The following COL5A1 variants were observed in gnomAD, a reference collection of about 807,000 sequenced individuals.
COL5A1 encodes the protein collagen type V alpha 1 chain.
COL5A1 carries 16 observed loss-of-function variants against 263.7 expected under a neutral mutation model. That is an observed-to-expected ratio of 0.06 (90% confidence interval 0.04 to 0.09). COL5A1 has a LOEUF of 0.09. Ranked by LOEUF, COL5A1 falls within the 10% of genes least tolerant of loss-of-function variation. The probability of loss-of-function intolerance (pLI) is 1.00; values close to 1 mark genes in which losing one functional copy is unlikely to be tolerated. For missense variants in COL5A1, 2,036 were observed against 2,540.5 expected, an observed-to-expected ratio of 0.80 and a Z score of 4.27; for synonymous variants, 1,012 against 1,004.5, an observed-to-expected ratio of 1.01 and a Z score of -0.14.
intron 1 of COL5A1, among the ~76,000 whole-genome samples, chr9:134,671,675 G>A (rs1832542691): frequency 6.6e-6 from 1 of 152,220 alleles, no homozygotes; most frequent in African/African-American, 2.4e-5. Flanking sequence ...TGCGTGAAGG[G>A]TTGAGTGGAC....
At chr9:134,729,198 G>T (rs1474481491) in intron 6 of COL5A1, among the ~76,000 whole-genome samples, 2 of 152,216 alleles carry the variant, frequency 1.3e-5, no homozygotes, top group African/African-American at 2.4e-5. Context: ...CCCCCGGGGG[G>T]TGACGCAGTC....
intron 6 of COL5A1, among the ~76,000 whole-genome samples, chr9:134,729,905 A>G (rs1435723451): frequency 6.6e-6 from 1 of 152,180 alleles, no homozygotes; most frequent in African/African-American, 2.4e-5. Flanking sequence ...CATTGCTCTG[A>G]GAGCCTGGAG....
chr9:134,642,200 AC>A lies in COL5A1; in HGVS notation c.16del (p.Arg6AlafsTer38). On this transcript the variant is annotated frameshift_variant, in exon 1 of 66. Transcript: ENST00000371817. LOFTEE classifies it high-confidence loss of function. The surrounding 1 kb of genome is among the most constrained non-coding windows in gnomAD (Gnocchi z 4.5). ...GCGCCCCGCCGGCATGGACGTCCAT[AC>A]CCGCTGGAAAGCGCGCAGCGCGCTC... MDVH[T>X]RWKARSALRP... 1 of 1,301,790 alleles carries A rather than the reference AC, an allele frequency of 7.7e-7. No individual in the cohort carries two copies. Among genetic ancestry groups the A allele is most frequent in the Non-Finnish European group, 9.8e-7 (1 of 1,023,944 alleles). The allele number at this position is 1,301,790 out of a possible 1,614,324, so 80.6% of individuals were successfully genotyped here.
chr9:134,698,982 G>A (rs554283932), intron 2 of COL5A1, among the ~76,000 whole-genome samples: 55 of 152,356 alleles, frequency 3.6e-4, no homozygotes, highest in Non-Finnish European at 6.8e-4. Context: ...CTTCTGGCCC[G>A]TTCTGAGCAG....
intron 9 of COL5A1, among the ~76,000 whole-genome samples, chr9:134,733,656 C>T (rs967184573): frequency 3.9e-5 from 6 of 152,212 alleles, no homozygotes; most frequent in African/African-American, 1.4e-4. Flanking sequence ...GCTCAGGGAC[C>T]AGAGCAGCTG....
In COL5A1 at chr9:134,758,662, G is replaced by A. The variant is rs1836080837; in HGVS notation, c.1935+366G>A. Among the ~76,000 whole-genome samples the A allele has an allele frequency of 6.6e-6, 1 of 152,162 alleles. No homozygotes were observed. The highest frequency in any genetic ancestry group is 2.1e-4 in the South Asian group (1 of 4,822). ...CCAAGCAGCTGCCATTTCAGGGGCGGCCAAGGACACTTTGCAATATTAAAG... is the reference window on the plus strand; with the variant it reads ...CCAAGCAGCTGCCATTTCAGGGGCGACCAAGGACACTTTGCAATATTAAAG... On this transcript the variant is annotated intron_variant, in intron 18 of 65. Transcript: ENST00000371817. This position sits in a 1 kb window ranked among gnomAD's most constrained non-coding sequence, Gnocchi z 4.1.
At chr9:134,751,293 C>T in intron 13 of COL5A1, among the ~76,000 whole-genome samples, 1 of 152,172 alleles carries the variant, frequency 6.6e-6, no homozygotes, top group East Asian at 1.9e-4. Context: ...GTTCTTTGTC[C>T]ATGCTGAGGG....
chr9:134,762,207 T>C (rs909151222), intron 19 of COL5A1, among the ~76,000 whole-genome samples: 11 of 152,190 alleles, frequency 7.2e-5, no homozygotes, highest in Admixed American at 3.9e-4. Context: ...ACTCCATCGG[T>C]CCTGCTGATG....
intron 11 of COL5A1, among the ~76,000 whole-genome samples, chr9:134,749,914 C>G (rs1336847114): frequency 6.6e-6 from 1 of 152,206 alleles, no homozygotes; most frequent in Non-Finnish European, 1.5e-5. Context: ...GAATCCAGTC[C>G]TAGGTATGTC....
chr9:134,717,654 A>G (rs1178996403), intron 4 of COL5A1, among the ~76,000 whole-genome samples: 4 of 152,222 alleles, frequency 2.6e-5, no homozygotes, highest in Non-Finnish European at 5.9e-5. Flanking sequence ...AGGGCCTGGC[A>G]GTGGCAGAAC....
At chr9:134,662,811 C>T (rs1832249850) in intron 1 of COL5A1, among the ~76,000 whole-genome samples, 2 of 152,208 alleles carry the variant, frequency 1.3e-5, no homozygotes, top group South Asian at 4.1e-4. Flanking sequence ...TGCTCTGAAT[C>T]TGTTGTTAAT....
At chr9:134,690,009 G>A (rs12555085) in intron 1 of COL5A1, among the ~76,000 whole-genome samples, 1 of 151,964 alleles carries the variant, frequency 6.6e-6, no homozygotes, top group East Asian at 1.9e-4. Context: ...TGGGGTCCTC[G>A]TGGTGTGGGG....
rs200290973 is a variant in COL5A1 at position 134,700,078 on chromosome 9, G to T, written c.447G>T (p.Pro149=). The T allele has an allele frequency of 1.9e-6, 3 of 1,611,530 alleles. No homozygotes were observed. Among genetic ancestry groups the T allele is most frequent in the African/African-American group, 2.7e-5 (2 of 75,060 alleles). Residue 149 remains proline, a synonymous_variant, in exon 3 of 66, where the codon CCG becomes CCT. Transcript: ENST00000371817. The surrounding 1 kb of genome is among the most constrained non-coding windows in gnomAD (Gnocchi z 4.0). Reference sequence around the variant, plus strand: ...AGGACCACACGGGGAAGCCTGGCCCGGAAGACTACCCCCTCTTCCGGGGCA... The same window carrying T: ...AGGACCACACGGGGAAGCCTGGCCCTGAAGACTACCCCCTCTTCCGGGGCA... ...LYEDHTGKPG[P]EDYPLFRGIN...
chr9:134,842,355 T>G lies in COL5A1; in HGVS notation c.*52T>G, dbSNP rs1359587562. On this transcript the variant is annotated 3_prime_UTR_variant, in exon 66 of 66. Coordinates refer to ENST00000371817, the MANE Select transcript of COL5A1 (RefSeq NM_000093.5). This position sits in a 1 kb window ranked among gnomAD's most constrained non-coding sequence, Gnocchi z 5.8. ...GCAACCTCGTGACCTCAGCATGCCA[T>G]TCGTTCGTGAGTGTCCCGTGCACGT... 6.2e-7 allele frequency: 1 copy of G among 1,607,390 alleles called. No individual in the cohort carries two copies.
rs199703883 is a variant in COL5A1 at position 134,835,127 on chromosome 9, C to T, written c.5293C>T (p.Arg1765Cys). Residue 1765 changes from arginine (R) to cysteine (C), a missense_variant, in exon 65 of 66, where the codon CGC becomes TGC. Transcript: ENST00000371817. ...CACGGGCAGCTACGACAAGGCCCTCCGCTTCCTGGGCTCCAACGACGAGGA... is the reference window on the plus strand; with the variant it reads ...CACGGGCAGCTACGACAAGGCCCTCTGCTTCCTGGGCTCCAACGACGAGGA... The part of the protein sequence containing the change: ...AATGSYDKAL[R>C]FLGSNDEEMS... 4.6e-5 allele frequency: 74 copies of T among 1,613,726 alleles called. 1 individual carries two copies. Among genetic ancestry groups the T allele is most frequent in the South Asian group, 3.3e-4 (30 of 91,092 alleles).
chr9:134,825,238 G>A (rs1204487191), intron 62 of COL5A1, among the ~76,000 whole-genome samples: 2 of 152,216 alleles, frequency 1.3e-5, no homozygotes, highest in Admixed American at 6.5e-5. Flanking sequence ...GCCAGTGGAA[G>A]TAAGGGTCAG....
Position 134,818,970 on chromosome 9 carries a change from G to C in COL5A1, c.4393-30G>C. 4 of 1,613,392 alleles carry C rather than the reference G, an allele frequency of 2.5e-6. No homozygotes were observed. Among genetic ancestry groups the C allele is most frequent in the Non-Finnish European group, 3.4e-6 (4 of 1,179,928 alleles). On this transcript the variant is annotated intron_variant, in intron 56 of 65. Transcript: ENST00000371817. This position sits in a 1 kb window ranked among gnomAD's most constrained non-coding sequence, Gnocchi z 6.0. The stretch of plus-strand genomic sequence containing the variant: ...TCGCCACCCAAAGCCCCAAGGATGA[G>C]GACTCTGATCCCCCTGCCTCCTCCC...
intron 18 of COL5A1, among the ~76,000 whole-genome samples, chr9:134,761,210 G>A (rs1235533447): frequency 2.5e-5 from 3 of 118,138 alleles, no homozygotes; most frequent in African/African-American, 1.1e-4. Context: ...CATGCACACA[G>A]GCATACACAT....
In COL5A1 at chr9:134,761,052, C is replaced by G. The variant is rs2132715482; in HGVS notation, c.1936-873C>G. Among the ~76,000 whole-genome samples the G allele has an allele frequency of 2.7e-5, 4 of 150,182 alleles. No individual in the cohort carries two copies. In the Middle Eastern group the frequency reaches 0.014, roughly 518 times the overall value. On this transcript the variant is annotated intron_variant, in intron 18 of 65. Coordinates refer to ENST00000371817, the MANE Select transcript of COL5A1 (RefSeq NM_000093.5). ...CGTGCACAGGCTCCACACATGCCCA[C>G]ACTCACACCCACATGCACACACATG...
Sources: allele counts gnomAD v4.1 joint callset (sites outside exome capture counted in the v4.1 genomes callset), GRCh38; gene constraint gnomAD v4.1.1; non-coding constraint Gnocchi (gnomAD v3.1); transcripts MANE v1.5; gene names NCBI Gene and HGNC (gene_info 2026-07-23, HGNC 2026-07-21).